SAMD3: variants seen among roughly 807,000 people sequenced by gnomAD.
SAMD3 encodes the protein sterile alpha motif domain containing 3, also known as sterile alpha motif domain-containing protein 3.
In SAMD3, 63 loss-of-function variants were observed where a neutral mutation model predicts 58.5. The ratio of observed to expected loss-of-function variants is 1.08; its 90% CI spans 0.88 to 1.33. The LOEUF (loss-of-function observed/expected upper bound fraction) is 1.33, where lower values mean the gene tolerates loss of function less well. Among genes scored for constraint, SAMD3 ranks in the 40% most tolerant of loss-of-function variants. The probability of loss-of-function intolerance (pLI) is 0.00; values close to 1 mark genes in which losing one functional copy is unlikely to be tolerated. For synonymous variants in SAMD3, 220 were observed against 210.3 expected (o/e 1.05, Z -0.40); for missense variants, 604 against 608.4 (o/e 0.99, Z 0.08).
At chr6:130,238,460 C>A (rs1773242454) in intron 2 of SAMD3, among the ~76,000 whole-genome samples, 1 of 150,484 alleles carries the variant, frequency 6.6e-6, no homozygotes, top group African/African-American at 2.5e-5. Context: ...TAAGGAGGAA[C>A]AATAGCAAGA....
At chr6:130,241,768 G>A (rs1049234102) in intron 2 of SAMD3, among the ~76,000 whole-genome samples, 1 of 151,786 alleles carries the variant, frequency 6.6e-6, no homozygotes, top group Admixed American at 6.6e-5. Flanking sequence ...TGAAAAATGG[G>A]ATGGAGTTAA....
intron 2 of SAMD3, among the ~76,000 whole-genome samples, chr6:130,265,970 T>A (rs7749299): frequency 0.46 from 69,390 of 152,012 alleles, 19,710 homozygotes; most frequent in African/African-American, 0.8. Context: ...CTACTTGGAT[T>A]AAAAAAATGA....
At chr6:130,152,080 G>A (rs1001019966) in intron 9 of SAMD3, among the ~76,000 whole-genome samples, 1 of 152,112 alleles carries the variant, frequency 6.6e-6, no homozygotes, top group African/African-American at 2.4e-5. Flanking sequence ...AGGTGATGGG[G>A]GGTCAGTGTT....
intron 2 of SAMD3, among the ~76,000 whole-genome samples, chr6:130,233,690 G>A (rs1460100071): frequency 6.6e-6 from 1 of 152,126 alleles, no homozygotes; most frequent in Non-Finnish European, 1.5e-5. Flanking sequence ...CCCTGAAATA[G>A]AACCACTTGA....
intron 2 of SAMD3, among the ~76,000 whole-genome samples, chr6:130,269,979 G>T (rs1160677584): frequency 6.6e-6 from 1 of 151,836 alleles, no homozygotes; most frequent in Non-Finnish European, 1.5e-5. Context: ...ACATTTTCTA[G>T]TTCTCTTTCT....
Position 130,153,666 on chromosome 6 carries a change from T to TATATATATATATATATATATATATA in SAMD3, c.1023+1158_1023+1159insTATATATATATATATATATATATAT, listed in dbSNP as rs58896049. Among the ~76,000 whole-genome samples, 257 of 90,786 alleles carry TATATATATATATATATATATATATA rather than the reference T, an allele frequency of 2.8e-3. 4 individuals carry two copies. The highest frequency in any genetic ancestry group is 6.3e-3 in the South Asian group (16 of 2,552). 59.6% of individuals were successfully genotyped at this position (90,786 alleles called of 152,430 possible). ...AAATTTCATATATATATATATATAT[T>TATATATATATATATATATATATATA]TATTTATTTATTTATTTTTTAAAAT... is the stretch of plus-strand genomic sequence containing the variant. On this transcript the variant is annotated intron_variant, in intron 9 of 11. Transcript: ENST00000439090.
chr6:130,339,892 TATTCTCC>T (rs10527848), intron 1 of SAMD3, among the ~76,000 whole-genome samples: 61,701 of 151,424 alleles, frequency 0.41, 13,607 homozygotes, highest in African/African-American at 0.59. Context: ...CCAATTTGAA[TATTCTCC>T]ATTCATTTCC....
chr6:130,213,517 C>T (rs540464692), intron 4 of SAMD3, among the ~76,000 whole-genome samples: 3 of 151,864 alleles, frequency 2.0e-5, no homozygotes, highest in African/African-American at 4.8e-5. Context: ...AAAAAATTAA[C>T]GTAAAAACAT....
chr6:130,272,117 ATTG>A (rs1774586965), intron 2 of SAMD3, among the ~76,000 whole-genome samples: 1 of 152,206 alleles, frequency 6.6e-6, no homozygotes, highest in African/African-American at 2.4e-5. Flanking sequence ...ATACTCTTAT[ATTG>A]TTACGTTTAA....
chr6:130,181,696 G>A (rs866521034), intron 7 of SAMD3, among the ~76,000 whole-genome samples: 1 of 152,172 alleles, frequency 6.6e-6, no homozygotes, highest in Non-Finnish European at 1.5e-5. Flanking sequence ...TCTCTAGAGG[G>A]ACTCTAATAG....
At chr6:130,297,550 T>A (rs1197270188) in intron 2 of SAMD3, among the ~76,000 whole-genome samples, 5 of 152,078 alleles carry the variant, frequency 3.3e-5, no homozygotes, top group Admixed American at 6.6e-5. Flanking sequence ...TTGAAAAGTT[T>A]GAAATGACAG....
intron 2 of SAMD3, among the ~76,000 whole-genome samples, chr6:130,312,104 T>C (rs1267102068): frequency 6.6e-6 from 1 of 152,202 alleles, no homozygotes; most frequent in Admixed American, 6.5e-5. Context: ...AACAAATTCT[T>C]GCTTCTGTGG....
intron 2 of SAMD3, among the ~76,000 whole-genome samples, chr6:130,252,367 CCTTTA>C (rs1325929751): frequency 6.7e-6 from 1 of 148,470 alleles, no homozygotes; most frequent in Non-Finnish European, 1.5e-5. Flanking sequence ...TCTTTGCTTT[CCTTTA>C]CATCTCATTT....
chr6:130,336,640 T>C (rs1462854159), intron 1 of SAMD3, among the ~76,000 whole-genome samples: 1 of 152,236 alleles, frequency 6.6e-6, no homozygotes, highest in African/African-American at 2.4e-5. Flanking sequence ...TTCCTGCTTA[T>C]ATGTTGTGGC....
chr6:130,329,659 C>A (rs1776865591), intron 1 of SAMD3, among the ~76,000 whole-genome samples: 1 of 152,120 alleles, frequency 6.6e-6, no homozygotes, highest in Non-Finnish European at 1.5e-5. Flanking sequence ...AGACTTGGAA[C>A]CAACCCAAAT....
intron 2 of SAMD3, among the ~76,000 whole-genome samples, chr6:130,250,242 T>C (rs73607939): frequency 0.019 from 2,939 of 152,284 alleles, 93 homozygotes; most frequent in African/African-American, 0.067. Flanking sequence ...CCATTATTTT[T>C]GGACACTGCA....
chr6:130,213,433 C>CT (rs1795747631), intron 4 of SAMD3, among the ~76,000 whole-genome samples: 1 of 151,854 alleles, frequency 6.6e-6, no homozygotes, highest in Non-Finnish European at 1.5e-5. Context: ...AATAAACTTG[C>CT]TTATGTCAGG....
At chr6:130,355,687 G>A (rs1465833390) in intron 1 of SAMD3, among the ~76,000 whole-genome samples, 2 of 152,168 alleles carry the variant, frequency 1.3e-5, no homozygotes, top group African/African-American at 4.8e-5. Flanking sequence ...CTTCAGTGGG[G>A]TAGTCCCCAG....
At chr6:130,215,677 C>T (rs1795963928) in intron 2 of SAMD3, 2 of 1,431,788 alleles carry the variant, frequency 1.4e-6, no homozygotes, top group African/African-American at 2.9e-5. Context: ...CTACCAGGCT[C>T]CTCAGGAAGT....
Sources: gnomAD v4.1 joint callset for allele counts (sites outside exome capture counted in the v4.1 genomes callset) on GRCh38, gnomAD v4.1.1 for gene constraint, MANE v1.5 for transcripts, NCBI Gene and HGNC (gene_info 2026-07-23, HGNC 2026-07-21) for gene names.